STPG2: variants seen among roughly 807,000 people sequenced by gnomAD.
STPG2 encodes the protein sperm-tail PG-rich repeat-containing protein 2.
In STPG2, 56 loss-of-function variants were observed where a neutral mutation model predicts 54.2. The ratio of observed to expected loss-of-function variants is 1.03; its 90% CI spans 0.83 to 1.29. The LOEUF (loss-of-function observed/expected upper bound fraction) is 1.29, where lower values mean the gene tolerates loss of function less well. STPG2 is among the 50% of genes most tolerant of loss of function. The pLI is 0.00. For missense variants in STPG2, 596 were observed against 544.9 expected (o/e 1.09, Z -0.93); for synonymous variants, 200 against 181.8 (o/e 1.10, Z -0.81).
chr4:97,467,668 G>A (rs896847249), intron 4 of STPG2, among the ~76,000 whole-genome samples: 1 of 151,864 alleles, frequency 6.6e-6, no homozygotes, highest in African/African-American at 2.4e-5. Context: ...GAGAAAGTAG[G>A]CAAATAGGCT....
chr4:97,806,122 A>C, intron 9 of STPG2, among the ~76,000 whole-genome samples: 1 of 150,642 alleles, frequency 6.6e-6, no homozygotes, highest in African/African-American at 2.5e-5. Context: ...ACAGTGGATT[A>C]GATAAAACAG....
At chr4:97,452,756 G>T (rs1205554738) in intron 4 of STPG2, among the ~76,000 whole-genome samples, 1 of 152,122 alleles carries the variant, frequency 6.6e-6, no homozygotes, top group Non-Finnish European at 1.5e-5. Context: ...TCTCCTCTCT[G>T]CTGAGAGTTG....
At chr4:97,462,133 G>A (rs998918529) in intron 4 of STPG2, among the ~76,000 whole-genome samples, 1 of 151,784 alleles carries the variant, frequency 6.6e-6, no homozygotes, top group Non-Finnish European at 1.5e-5. Flanking sequence ...GTGTAAGATA[G>A]TACTCAAAAT....
intron 9 of STPG2, among the ~76,000 whole-genome samples, chr4:97,760,314 G>T (rs1262173718): frequency 6.6e-6 from 1 of 152,058 alleles, no homozygotes. Context: ...TCTAGCTCTA[G>T]GTATATGTTC....
intron 10 of STPG2, among the ~76,000 whole-genome samples, chr4:97,705,517 G>C (rs1008879327): frequency 6.6e-6 from 1 of 151,760 alleles, no homozygotes; most frequent in Non-Finnish European, 1.5e-5. Flanking sequence ...GTCGAGACGG[G>C]GTTTCATCAT....
At chr4:98,049,717 A>T (rs1257622640) in intron 5 of STPG2, among the ~76,000 whole-genome samples, 3 of 151,696 alleles carry the variant, frequency 2.0e-5, no homozygotes, top group Non-Finnish European at 4.4e-5. Flanking sequence ...TAAGACTAAA[A>T]TTTATAGGCT....
intron 4 of STPG2, among the ~76,000 whole-genome samples, chr4:97,501,354 G>A (rs932501208): frequency 2.0e-5 from 3 of 151,662 alleles, no homozygotes; most frequent in Admixed American, 6.6e-5. Context: ...TAAACATATC[G>A]CAATAGGAAG....
intron 8 of STPG2, among the ~76,000 whole-genome samples, chr4:97,910,261 G>A (rs2149198812): frequency 6.6e-6 from 1 of 152,312 alleles, no homozygotes; most frequent in African/African-American, 2.4e-5. Context: ...GTAAATAACA[G>A]CAAAAGGCAG....
chr4:97,515,917 G>T (rs1489290398), intron 4 of STPG2, among the ~76,000 whole-genome samples: 1 of 151,966 alleles, frequency 6.6e-6, no homozygotes, highest in African/African-American at 2.4e-5. Context: ...TTTTTACATT[G>T]TAATACTGTA....
chr4:97,769,195 A>G (rs1002031031), intron 9 of STPG2, among the ~76,000 whole-genome samples: 1 of 151,966 alleles, frequency 6.6e-6, no homozygotes, highest in Admixed American at 6.6e-5. Context: ...AGAGTTTTAT[A>G]CTTAGTTTAC....
chr4:98,002,509 G>A (rs1045771765), intron 5 of STPG2, among the ~76,000 whole-genome samples: 3 of 151,930 alleles, frequency 2.0e-5, no homozygotes, highest in Non-Finnish European at 4.4e-5. Context: ...CAGATGTATA[G>A]ACCCCTCAAG....
chr4:97,715,483 C>T (rs924480717), intron 9 of STPG2, among the ~76,000 whole-genome samples: 4 of 151,956 alleles, frequency 2.6e-5, no homozygotes, highest in African/African-American at 9.7e-5. Context: ...TGGAACATAA[C>T]AGGAACAGTG....
chr4:97,532,729 G>T (rs1438967126), intron 4 of STPG2, among the ~76,000 whole-genome samples: 2 of 152,138 alleles, frequency 1.3e-5, no homozygotes, highest in Non-Finnish European at 1.5e-5. Context: ...GATATAGATA[G>T]GCATAGATGT....
In STPG2 at chr4:98,143,433, T is replaced by C. The variant is rs560731156; in HGVS notation, c.-283A>G. 6.6e-6 allele frequency among the ~76,000 whole-genome samples: 1 copy of C among 152,200 alleles called. No homozygotes were observed. Among genetic ancestry groups the C allele is most frequent in the South Asian group, 2.1e-4 (1 of 4,816 alleles). On this transcript the variant is annotated 5_prime_UTR_variant, in exon 1 of 11. Transcript: ENST00000295268. ...GTTTGCCAGGTGCACGCCACCAAAA[T>C]TGGGTATTAGGGATTAGACGCTCGC...
intron 5 of STPG2, among the ~76,000 whole-genome samples, chr4:98,057,611 A>G (rs994075333): frequency 3.9e-5 from 6 of 152,186 alleles, no homozygotes; most frequent in Non-Finnish European, 8.8e-5. Flanking sequence ...AGAAAAGAAG[A>G]ATGGAACCAA....
At chr4:97,873,335 A>C (rs1730058450) in intron 8 of STPG2, among the ~76,000 whole-genome samples, 1 of 151,516 alleles carries the variant, frequency 6.6e-6, no homozygotes, top group East Asian at 1.9e-4. Flanking sequence ...ATCACAGAGA[A>C]AGTAGCTTAA....
chr4:97,906,010 TA>T (rs1351475815), intron 8 of STPG2, among the ~76,000 whole-genome samples: 1 of 151,830 alleles, frequency 6.6e-6, no homozygotes, highest in Non-Finnish European at 1.5e-5. Context: ...AAGAAATAAC[TA>T]AGATCAGAGC....
intron 5 of STPG2, among the ~76,000 whole-genome samples, chr4:98,099,443 A>C (rs1288487664): frequency 2.0e-5 from 3 of 152,202 alleles, no homozygotes; most frequent in African/African-American, 7.2e-5. Context: ...GATAGATCAC[A>C]GAAGGATGAT....
chr4:97,876,890 T>C (rs1730191556), intron 8 of STPG2, among the ~76,000 whole-genome samples: 1 of 152,094 alleles, frequency 6.6e-6, no homozygotes, highest in South Asian at 2.1e-4. Context: ...GACCATGTCA[T>C]AGCAGAATTT....
Sources: gnomAD v4.1 joint callset for allele counts (sites outside exome capture counted in the v4.1 genomes callset) on GRCh38, gnomAD v4.1.1 for gene constraint, MANE v1.5 for transcripts, NCBI Gene and HGNC (gene_info 2026-07-23, HGNC 2026-07-21) for gene names.